Variants in ART3 observed in about 807,000 individuals in gnomAD.
The protein encoded by ART3 is ADP-ribosyltransferase 3 (inactive), also known as ecto-ADP-ribosyltransferase 3.
In ART3, 49 loss-of-function variants were observed where a neutral mutation model predicts 48.5. The ratio of observed to expected loss-of-function variants is 1.01; its 90% CI spans 0.80 to 1.28. The LOEUF is 1.28. ART3 is among the 50% of genes most tolerant of loss of function. The probability of loss-of-function intolerance (pLI) is 0.00; values close to 1 mark genes in which losing one functional copy is unlikely to be tolerated. For synonymous variants in ART3, 145 were observed against 157.2 expected (o/e 0.92, Z 0.58); for missense variants, 438 against 454.3 (o/e 0.96, Z 0.33).
chr4:76,062,577 T>TTTC (rs1333964208), intron 1 of ART3, among the ~76,000 whole-genome samples: 1 of 150,242 alleles, frequency 6.7e-6, no homozygotes, highest in African/African-American at 2.5e-5. Flanking sequence ...TTTTTTTTTT[T>TTTC]TGAGACAGAG....
chr4:76,071,392 C>T (rs75271486), upstream of ART3, among the ~76,000 whole-genome samples: 7,809 of 151,862 alleles, frequency 0.051, 241 homozygotes, highest in South Asian at 0.14. Context: ...AATTCTTGGA[C>T]TCTCTTCTTT....
chr4:76,035,579 G>A (rs998581390), intron 1 of ART3, among the ~76,000 whole-genome samples: 16 of 152,334 alleles, frequency 1.1e-4, no homozygotes, highest in Admixed American at 9.8e-4. Context: ...TATTGGAGGT[G>A]AAGCTTGTTT....
rs72655514 is a variant in ART3, at chr4:76,102,230, C to T, written c.937+1211C>T. Among the ~76,000 whole-genome samples the T allele has an allele frequency of 1.3e-3, 191 of 152,292 alleles. 1 individual carries two copies. Among genetic ancestry groups the T allele is most frequent in the Non-Finnish European group, 2.3e-3 (154 of 68,020 alleles). ...GTTAACATCAGTTTATTTCAGGCTACCTTTTTTGTGTGTAAGGATTGAAGC... is the reference window on the plus strand; with the variant it reads ...GTTAACATCAGTTTATTTCAGGCTATCTTTTTTGTGTGTAAGGATTGAAGC... On this transcript the variant is annotated intron_variant, in intron 8 of 11. Coordinates refer to ENST00000355810, the MANE Select transcript of ART3 (RefSeq NM_001130016.3).
chr4:76,046,673 A>G (rs1411462254), intron 1 of ART3, among the ~76,000 whole-genome samples: 2 of 151,924 alleles, frequency 1.3e-5, no homozygotes, highest in East Asian at 1.9e-4. Flanking sequence ...GGGACAGCAA[A>G]TGGGTAACTT....
In ART3 at chr4:76,104,645, G is replaced by A. The variant is rs1728073111; in HGVS notation, c.1003+16G>A. 1.3e-6 allele frequency: 2 copies of A among 1,551,374 alleles called. No homozygotes were observed. Among genetic ancestry groups the A allele is most frequent in the Non-Finnish European group, 1.7e-6 (2 of 1,146,878 alleles). On this transcript the variant is annotated intron_variant, in intron 10 of 11. Transcript: ENST00000355810. Reference sequence around the variant, plus strand: ...CCACTACCTGGTAAGCAACTGATAGGCATGCCAGAGGGGAACATGCCAGTT... The same window carrying A: ...CCACTACCTGGTAAGCAACTGATAGACATGCCAGAGGGGAACATGCCAGTT...
At position 76,045,128 on chromosome 4, in the gene ART3, A is replaced by G. The variant is rs191898884; in HGVS notation, c.-9-30753A>G. Among the ~76,000 whole-genome samples, 26 of 152,190 alleles carry G rather than the reference A, an allele frequency of 1.7e-4. 1 individual carries two copies. Among genetic ancestry groups the G allele is most frequent in the African/African-American group, 5.8e-4 (24 of 41,554 alleles). ...AAGTGTGGTTACATCACTATGGCGT[A>G]ACCTGCCCTTCGTATCCCATTCTTC... On this transcript the variant is annotated intron_variant, in intron 1 of 9. Transcript: ENST00000341029.
At chr4:76,012,077 T>A (rs992864919) in intron 1 of ART3, 1 of 152,202 alleles carries the variant, frequency 6.6e-6, no homozygotes, top group Non-Finnish European at 1.5e-5. Flanking sequence ...AAATTCCAGT[T>A]CTGTGTCCGT....
chr4:76,051,428 C>T (rs137915408), intron 1 of ART3, among the ~76,000 whole-genome samples: 83 of 152,168 alleles, frequency 5.5e-4, no homozygotes, highest in African/African-American at 1.8e-3. Context: ...CTGGGTAAGG[C>T]TCTATTTTTT....
At chr4:76,058,266 A>G (rs1378064740) in intron 1 of ART3, among the ~76,000 whole-genome samples, 1 of 152,200 alleles carries the variant, frequency 6.6e-6, no homozygotes, top group Admixed American at 6.5e-5. Context: ...CTATTGTAAC[A>G]ATGACTTTGT....
At chr4:76,099,776 A>G (rs558624030) in intron 5 of ART3, among the ~76,000 whole-genome samples, 1 of 152,262 alleles carries the variant, frequency 6.6e-6, no homozygotes, top group African/African-American at 2.4e-5. Flanking sequence ...TTCTTTGCAC[A>G]TAAGTTCCTT....
intron 10 of ART3, 126 bp from the exon 11 acceptor site, chr4:76,107,635 C>G (rs1393446312): frequency 1.7e-6 from 1 of 598,964 alleles, no homozygotes; most frequent in African/African-American, 2.0e-5. Context: ...TACCCGTAAA[C>G]CTATTACCCT....
rs753875584 is a variant in ART3, at chr4:76,075,950, A to G, written c.61A>G (p.Ile21Val). ...GCTGGCAACCATGATTCTAGTGGAC[A>G]TTTTCCAGGTAATGTTGGGAATGGG... Reference protein sequence around the residue: ...MLLATMILVDIFQVKAEVLDM... With the variant: ...MLLATMILVDVFQVKAEVLDM... Residue 21 changes from isoleucine (I) to valine (V), a missense_variant, in exon 2 of 12, where the codon ATT (isoleucine) becomes GTT (valine). Coordinates refer to ENST00000355810, the MANE Select transcript of ART3 (RefSeq NM_001130016.3). 4.3e-6 allele frequency: 7 copies of G among 1,609,222 alleles called. No individual in the cohort carries two copies. Among genetic ancestry groups the G allele is most frequent in the Admixed American group, 3.3e-5 (2 of 59,706 alleles).
intron 1 of ART3, among the ~76,000 whole-genome samples, chr4:76,050,802 G>A (rs1030113514): frequency 1.8e-4 from 27 of 152,328 alleles, no homozygotes; most frequent in Non-Finnish European, 3.1e-4. Context: ...GCCCTGCCCC[G>A]CAGGAAGGCA....
intron 5 of ART3, 47 bp from the exon 6 acceptor site, chr4:76,100,244 C>T (rs754366721): frequency 1.3e-6 from 2 of 1,589,262 alleles, no homozygotes; most frequent in Non-Finnish European, 1.7e-6. Flanking sequence ...ACTGCCAGTT[C>T]TTTTGTTCCA....
At chr4:76,034,270 G>C (rs1734137091) in intron 1 of ART3, 1 of 395,954 alleles carries the variant, frequency 2.5e-6, no homozygotes, top group Non-Finnish European at 4.4e-6. Flanking sequence ...ACACATAGAT[G>C]CTTTTGACTT....
At chr4:76,051,865 G>GT (rs1230904565) in intron 1 of ART3, among the ~76,000 whole-genome samples, 3 of 128,812 alleles carry the variant, frequency 2.3e-5, no homozygotes, top group African/African-American at 8.6e-5. Flanking sequence ...AAATAAGGAT[G>GT]TTTCTGAGTT....
chr4:76,043,546 G>A (rs991074543), intron 1 of ART3, among the ~76,000 whole-genome samples: 2 of 152,130 alleles, frequency 1.3e-5, no homozygotes, highest in African/African-American at 2.4e-5. Context: ...GCCCCTCATT[G>A]CCCGGGGCCG....
chr4:76,018,026 G>A (rs1375629935), intron 1 of ART3, among the ~76,000 whole-genome samples: 1 of 152,238 alleles, frequency 6.6e-6, no homozygotes, highest in Admixed American at 6.5e-5. Flanking sequence ...GCCACTGTGA[G>A]AAGCAGCTTG....
intron 1 of ART3, among the ~76,000 whole-genome samples, chr4:76,056,951 A>G (rs917662142): frequency 4.0e-5 from 6 of 151,518 alleles, no homozygotes; most frequent in African/African-American, 1.5e-4. Flanking sequence ...GCTTACACAT[A>G]TTCATTAAGA....
Sources: allele counts gnomAD v4.1 joint callset (sites outside exome capture counted in the v4.1 genomes callset), GRCh38; gene constraint gnomAD v4.1.1; transcripts MANE v1.5; gene names NCBI Gene and HGNC (gene_info 2026-07-23, HGNC 2026-07-21).